The following STARD9 variants were observed in gnomAD, a reference collection of about 807,000 sequenced individuals.
STARD9 encodes StAR related lipid transfer domain containing 9.
A neutral mutation model predicts 399.8 loss-of-function variants in STARD9; 346 were observed. That is an observed-to-expected ratio of 0.87 (90% CI 0.79 to 0.95). STARD9 has a LOEUF of 0.95. Among genes scored for constraint, STARD9 ranks in the 40% least tolerant of loss-of-function variants. STARD9 has a pLI of 0.00. For missense variants in STARD9, 5,832 were observed against 5,667.5 expected, an observed-to-expected ratio of 1.03 and a Z score of -0.93; for synonymous variants, 2,203 against 2,143.5, an observed-to-expected ratio of 1.03 and a Z score of -0.77.
At position 42,668,192 on chromosome 15, in the gene STARD9, A is replaced by AC. The variant is rs563830686; in HGVS notation, c.1318-964dup. On this transcript the variant is annotated intron_variant, in intron 15 of 32. Coordinates refer to ENST00000290607, the MANE Select transcript of STARD9 (RefSeq NM_020759.3). ...TGTAAGCCAGAGTGTCCTGCCACTCACCAATGCCAGGGGTCCCTATCCAAC... is the reference window on the plus strand; with the variant it reads ...TGTAAGCCAGAGTGTCCTGCCACTCACCCAATGCCAGGGGTCCCTATCCAAC... Among the ~76,000 whole-genome samples the AC allele has an allele frequency of 3.8e-3, 583 of 152,264 alleles. 2 individuals are homozygous for AC. Among genetic ancestry groups the AC allele is most frequent in the African/African-American group, 0.013 (559 of 41,534 alleles).
chr15:42,661,494 G>C (rs969283093), intron 10 of STARD9, among the ~76,000 whole-genome samples: 1 of 152,042 alleles, frequency 6.6e-6, no homozygotes, highest in African/African-American at 2.4e-5. Flanking sequence ...CTCCAGGCTG[G>C]AGTGCAGTAG....
intron 2 of STARD9, 136 bp from the exon 3 acceptor site, chr15:42,585,385 C>T (rs2141669455): frequency 1.8e-6 from 1 of 543,094 alleles, no homozygotes. Flanking sequence ...ATTACCTTTT[C>T]TTTTTCAGGA....
chr15:42,632,901 G>T (rs972668284), intron 3 of STARD9, among the ~76,000 whole-genome samples: 1 of 152,084 alleles, frequency 6.6e-6, no homozygotes, highest in African/African-American at 2.4e-5. Context: ...CCAGCACTTT[G>T]GGAGGCTGAA....
chr15:42,716,991 C>A lies in STARD9; in HGVS notation c.13437C>A (p.Cys4479Ter). 6.5e-7 allele frequency: 1 copy of A among 1,537,250 alleles called. No individual in the cohort carries two copies. The highest frequency in any genetic ancestry group is 8.7e-7 in the Non-Finnish European group (1 of 1,146,898). The change falls in exon 28 of 33, where the codon TGC becomes TGA. Residue 4479 changes from cysteine to a stop codon, truncating the protein, a stop_gained. Transcript: ENST00000290607. LOFTEE classifies it high-confidence loss of function. Reference sequence around the variant, plus strand: ...CCAGTCTGTCCAGCTTGGGGACCTGCTTTTCCTCCTCCTACCAGGATTTGG... The same window carrying A: ...CCAGTCTGTCCAGCTTGGGGACCTGATTTTCCTCCTCCTACCAGGATTTGG... Reference protein sequence around the residue: ...SPSSLSSLGTCFSSSYQDLAK... With the variant: ...SPSSLSSLGT
intron 16 of STARD9, among the ~76,000 whole-genome samples, chr15:42,673,290 T>C (rs2060240123): frequency 6.6e-6 from 1 of 151,796 alleles, no homozygotes; most frequent in Non-Finnish European, 1.5e-5. Flanking sequence ...TAGTCCCAGC[T>C]AGTTGGGAGG....
rs763208094 is a variant in STARD9, at chr15:42,689,898, C to G, written c.8320C>G (p.Pro2774Ala). The part of the protein sequence containing the change: ...VPQETAEGIP[P>A]GSQDSSPEHQ... ...GCAGGAGACTGCAGAGGGCATACCC[C>G]CTGGCAGTCAGGACAGCAGCCCAGA... Residue 2774 changes from proline to alanine, a missense_variant, in exon 23 of 33, where the codon CCT becomes GCT. Physicochemically the swap from Pro to Ala is conservative, Grantham distance 27. Around this residue, in one of 2 missense-constraint regions of STARD9, gnomAD observed 5,828 missense variants for 5,651.1 expected, o/e 1.03. Coordinates refer to ENST00000290607, the MANE Select transcript of STARD9 (RefSeq NM_020759.3). 1.3e-6 allele frequency: 2 copies of G among 1,537,498 alleles called. No homozygotes were observed. Among genetic ancestry groups the G allele is most frequent in the Non-Finnish European group, 1.7e-6 (2 of 1,147,004 alleles).
At chr15:42,710,886 G>C (rs1042727359) in intron 26 of STARD9, among the ~76,000 whole-genome samples, 1 of 134,424 alleles carries the variant, frequency 7.4e-6, no homozygotes, top group Admixed American at 6.8e-5. Flanking sequence ...GCTCTCACTT[G>C]TGCGCTCTCT....
chr15:42,618,908 G>T (rs911490384), intron 3 of STARD9, among the ~76,000 whole-genome samples: 2 of 151,770 alleles, frequency 1.3e-5, no homozygotes, highest in South Asian at 4.2e-4. Context: ...CTTTTTTCTT[G>T]TCCCCAGATA....
At chr15:42,637,201 T>C (rs2059436969) in intron 4 of STARD9, among the ~76,000 whole-genome samples, 2 of 151,924 alleles carry the variant, frequency 1.3e-5, no homozygotes, top group Non-Finnish European at 2.9e-5. Flanking sequence ...TTTTTTGCTG[T>C]TGTTGTTTTT....
rs141595794 is a variant in STARD9, at chr15:42,718,693, G to A, written c.13843-59G>A. 2.0e-6 allele frequency: 3 copies of A among 1,515,538 alleles called. No individual in the cohort carries two copies. In the African/African-American group the frequency reaches 4.1e-5, roughly 21 times the overall value. The allele number at this position is 1,515,538 out of a possible 1,614,324, so 93.9% of individuals were successfully genotyped here. On this transcript the variant is annotated intron_variant, in intron 31 of 32. Transcript: ENST00000290607. ...CTTTCACCATACTGTCTACACGGGA[G>A]CCTGTTCCTGTTTTGTCCACACTAC... is the stretch of plus-strand genomic sequence containing the variant.
chr15:42,583,943 C>T (rs2058223575), intron 2 of STARD9, among the ~76,000 whole-genome samples: 1 of 152,104 alleles, frequency 6.6e-6, no homozygotes, highest in Non-Finnish European at 1.5e-5. Context: ...TTCTCTTTCA[C>T]AGATCTTACT....
chr15:42,708,152 CA>C (rs112504145), intron 26 of STARD9, among the ~76,000 whole-genome samples: 159 of 144,562 alleles, frequency 1.1e-3, no homozygotes, highest in African/African-American at 2.1e-3. Flanking sequence ...GACCCTGTTT[CA>C]AAAAAAAAAA....
intron 20 of STARD9, among the ~76,000 whole-genome samples, chr15:42,680,232 G>T (rs1164695242): frequency 6.6e-6 from 1 of 152,176 alleles, no homozygotes; most frequent in East Asian, 1.9e-4. Context: ...GAAGCTGTCA[G>T]TTTTCAGAGT....
intron 26 of STARD9, among the ~76,000 whole-genome samples, chr15:42,713,356 A>T (rs115541077): frequency 6.6e-6 from 1 of 152,190 alleles, no homozygotes; most frequent in African/African-American, 2.4e-5. Flanking sequence ...AAGATATTCT[A>T]TATGCAAGAT....
In STARD9 at chr15:42,708,096, T is replaced by G. The variant is rs116032750; in HGVS notation, c.13285-8581T>G. Among the ~76,000 whole-genome samples, 1,052 of 152,072 alleles carry G rather than the reference T, an allele frequency of 6.9e-3. 15 individuals carry two copies. The highest frequency in any genetic ancestry group is 0.024 in the African/African-American group (981 of 41,440). ...TGAGCCTGGGAAGTCGAGGCTGTGG[T>G]GAGCTGTGACCATGCTGCTGCACTC... On this transcript the variant is annotated intron_variant, in intron 26 of 32. Transcript: ENST00000290607.
chr15:42,674,327 A>C, intron 16 of STARD9, 113 bp from the exon 17 acceptor site: 1 of 853,052 alleles, frequency 1.2e-6, no homozygotes. Flanking sequence ...TGGGATGAGA[A>C]GTGGTACAGA....
chr15:42,679,246 A>G (rs944587329), intron 20 of STARD9, among the ~76,000 whole-genome samples: 3 of 152,262 alleles, frequency 2.0e-5, no homozygotes, highest in African/African-American at 4.8e-5. Context: ...TAATACAAGC[A>G]TGATACATAT....
chr15:42,691,347 C>A lies in STARD9; in HGVS notation c.9769C>A (p.Pro3257Thr). 6.5e-7 allele frequency: 1 copy of A among 1,537,220 alleles called. No individual in the cohort carries two copies. The highest frequency in any genetic ancestry group is 8.7e-7 in the Non-Finnish European group (1 of 1,146,904). ...GAGAGAGGAGGTGGCTGTGGCCAAG[C>A]CTCCTGTGTCCAAGATTTTATCACA... ...AGREEVAVAK[P>T]PVSKILSQGF... The change falls in exon 23 of 33, where the codon CCT (proline) becomes ACT (threonine). Residue 3257 changes from proline to threonine, a missense_variant. Coordinates refer to ENST00000290607, the MANE Select transcript of STARD9 (RefSeq NM_020759.3).
In STARD9 at chr15:42,686,095, C is replaced by G. The variant is rs1323490352; in HGVS notation, c.4517C>G (p.Pro1506Arg). 3 of 1,537,074 alleles carry G rather than the reference C, an allele frequency of 2.0e-6. No individual in the cohort carries two copies. In the African/African-American group the frequency reaches 4.1e-5, roughly 21 times the overall value. The change falls in exon 23 of 33, where the codon CCC (proline) becomes CGC (arginine). Residue 1506 changes from proline to arginine, a missense_variant. By Grantham distance (103) the Pro-to-Arg change is moderately radical (BLOSUM62 -2). Transcript: ENST00000290607. ...CCTGTTTTGGAGGCCATAGGAGCAC[C>G]CAAGCCAGCTTACCCCTACCTTGAG... Reference protein sequence around the residue: ...SCPVLEAIGAPKPAYPYLEED... With the variant: ...SCPVLEAIGARKPAYPYLEED...
Sources: gnomAD v4.1 joint callset for allele counts (sites outside exome capture counted in the v4.1 genomes callset) on GRCh38, gnomAD v4.1.1 for gene constraint, gnomAD v4.1.1 regional missense constraint, MANE v1.5 for transcripts, NCBI Gene and HGNC (gene_info 2026-07-23, HGNC 2026-07-21) for gene names.